CADPS2: variants seen among roughly 807,000 people sequenced by gnomAD.
CADPS2 encodes the protein calcium dependent secretion activator 2.
A neutral mutation model predicts 172.5 loss-of-function variants in CADPS2; 93 were observed. The ratio of observed to expected loss-of-function variants is 0.54; its 90% CI spans 0.46 to 0.64. CADPS2 has a LOEUF of 0.64. Ranked by LOEUF, CADPS2 falls within the 30% of genes least tolerant of loss-of-function variation. The probability of loss-of-function intolerance (pLI) is 0.00; values close to 1 mark genes in which losing one functional copy is unlikely to be tolerated. For synonymous variants in CADPS2, 546 were observed against 555.2 expected (o/e 0.98, Z 0.23); for missense variants, 1,420 against 1,565.9 (o/e 0.91, Z 1.57).
At chr7:122,821,269 A>G (rs1429654735) in intron 1 of CADPS2, among the ~76,000 whole-genome samples, 4 of 152,098 alleles carry the variant, frequency 2.6e-5, no homozygotes, top group Non-Finnish European at 4.4e-5. Context: ...ACCACACACC[A>G]GCAAAGGCAG....
intron 27 of CADPS2, among the ~76,000 whole-genome samples, chr7:122,348,735 T>A (rs546484169): frequency 1.3e-5 from 2 of 152,296 alleles, no homozygotes; most frequent in Middle Eastern, 3.4e-3. Context: ...ATTAAAAGAA[T>A]ATACACAAGT....
At chr7:122,446,722 A>G (rs10268918) in intron 15 of CADPS2, among the ~76,000 whole-genome samples, 9,047 of 152,164 alleles carry the variant, frequency 0.059, 661 homozygotes, top group African/African-American at 0.17. Context: ...TAGACCTCTG[A>G]CCTGAAATCT....
intron 9 of CADPS2, among the ~76,000 whole-genome samples, chr7:122,497,650 A>G (rs1458996516): frequency 6.6e-6 from 1 of 152,178 alleles, no homozygotes; most frequent in Non-Finnish European, 1.5e-5. Context: ...TGATCTTAAC[A>G]AGTCAATATT....
At chr7:122,417,441 T>C (rs2048051921) in intron 17 of CADPS2, among the ~76,000 whole-genome samples, 1 of 152,206 alleles carries the variant, frequency 6.6e-6, no homozygotes, top group African/African-American at 2.4e-5. Flanking sequence ...AATAGTCAAG[T>C]GTGCCTACAA....
chr7:122,861,170 G>A (rs1045125815), intron 1 of CADPS2, among the ~76,000 whole-genome samples: 1 of 151,912 alleles, frequency 6.6e-6, no homozygotes, highest in African/African-American at 2.4e-5. Context: ...TTTTTTGTGG[G>A]ACTCCCATTC....
chr7:122,647,037 G>T (rs1282178793), intron 3 of CADPS2, among the ~76,000 whole-genome samples: 1 of 152,082 alleles, frequency 6.6e-6, no homozygotes, highest in Non-Finnish European at 1.5e-5. Flanking sequence ...ACTAGGTATT[G>T]GATGAAAAAG....
intron 17 of CADPS2, chr7:122,436,498 A>G (rs1395420425): frequency 9.1e-6 from 3 of 328,694 alleles, no homozygotes; most frequent in Non-Finnish European, 1.6e-5. Flanking sequence ...AGTCCTGAGG[A>G]TAAAACATAA....
intron 3 of CADPS2, among the ~76,000 whole-genome samples, chr7:122,633,105 A>G (rs565009198): frequency 6.6e-6 from 1 of 152,126 alleles, no homozygotes; most frequent in Non-Finnish European, 1.5e-5. Context: ...TTAGCCTTAT[A>G]GTATACTTTG....
At chr7:122,474,893 G>A (rs189641786) in intron 12 of CADPS2, among the ~76,000 whole-genome samples, 146 of 152,232 alleles carry the variant, frequency 9.6e-4, no homozygotes, top group Non-Finnish European at 2.5e-4. Context: ...TGATGCCTAG[G>A]AGTCTGCTTT....
chr7:122,575,681 C>T (rs751238241), intron 7 of CADPS2, among the ~76,000 whole-genome samples: 12 of 152,248 alleles, frequency 7.9e-5, no homozygotes, highest in Non-Finnish European at 1.8e-4. Context: ...AGGTGATCTG[C>T]CTGCCTCGGC....
rs199864996 is a variant in CADPS2 at position 122,585,400 on chromosome 7, T to C, written c.1224-4110A>G. Reference sequence around the variant, plus strand: ...AGTTGAAAAGACACAGTTAGAAAAATCATAAATTCTAGAATGAATAAATTA... The same window carrying C: ...AGTTGAAAAGACACAGTTAGAAAAACCATAAATTCTAGAATGAATAAATTA... On this transcript the variant is annotated intron_variant, in intron 6 of 29. Transcript: ENST00000449022. 2.7e-4 allele frequency: 35 copies of C among 129,086 alleles called. No individual in the cohort carries two copies. The East Asian group carries it at 7.6e-3, about 28-fold the overall frequency. 8.0% of individuals were successfully genotyped at this position (129,086 alleles called of 1,614,324 possible).
chr7:122,674,043 G>A (rs547477639), intron 2 of CADPS2, among the ~76,000 whole-genome samples: 79 of 152,256 alleles, frequency 5.2e-4, no homozygotes, highest in African/African-American at 1.2e-3. Context: ...TGGGGGATCC[G>A]GCACACCCTC....
intron 9 of CADPS2, among the ~76,000 whole-genome samples, chr7:122,506,877 C>T (rs1422001239): frequency 1.3e-5 from 2 of 151,906 alleles, no homozygotes; most frequent in African/African-American, 4.8e-5. Context: ...ATTCGGTGTA[C>T]AAATTAGAGA....
At chr7:122,664,395 A>G (rs2080958131) in intron 2 of CADPS2, among the ~76,000 whole-genome samples, 1 of 152,072 alleles carries the variant, frequency 6.6e-6, no homozygotes, top group Non-Finnish European at 1.5e-5. Flanking sequence ...GGGACTTCTA[A>G]TTGTCCATTA....
chr7:122,619,629 A>G (rs2075354692), intron 5 of CADPS2, among the ~76,000 whole-genome samples: 1 of 152,162 alleles, frequency 6.6e-6, no homozygotes, highest in African/African-American at 2.4e-5. Flanking sequence ...TCAGTCTCCA[A>G]ACAAATAAAT....
intron 1 of CADPS2, among the ~76,000 whole-genome samples, chr7:122,851,747 G>A (rs568169546): frequency 6.6e-6 from 1 of 152,186 alleles, no homozygotes; most frequent in South Asian, 2.1e-4. Context: ...CAGATCTCAT[G>A]AGACTTATTC....
chr7:122,371,353 C>G (rs1157785955), intron 25 of CADPS2, among the ~76,000 whole-genome samples: 2 of 151,960 alleles, frequency 1.3e-5, no homozygotes, highest in Non-Finnish European at 2.9e-5. Context: ...CCTTAGCAAA[C>G]TTACAATCAT....
At chr7:122,574,845 AAACTCTAATAGT>A (rs2067782937) in intron 7 of CADPS2, among the ~76,000 whole-genome samples, 1 of 152,198 alleles carries the variant, frequency 6.6e-6, no homozygotes, top group Non-Finnish European at 1.5e-5. Flanking sequence ...GTGGTTAGAG[AAACTCTAATAGT>A]AACACCCCAC....
chr7:122,346,496 T>A (rs994353394), intron 27 of CADPS2, among the ~76,000 whole-genome samples: 2 of 152,218 alleles, frequency 1.3e-5, no homozygotes, highest in Admixed American at 1.3e-4. Context: ...TAAAATATTT[T>A]GAAGAAGATA....
Sources: gnomAD v4.1 joint callset for allele counts (sites outside exome capture counted in the v4.1 genomes callset) on GRCh38, gnomAD v4.1.1 for gene constraint, MANE v1.5 for transcripts, NCBI Gene and HGNC (gene_info 2026-07-23, HGNC 2026-07-21) for gene names.